The following ARHGAP29 variants were observed in gnomAD, a reference collection of about 807,000 sequenced individuals.
ARHGAP29 encodes the protein rho GTPase-activating protein 29.
Under a neutral mutation model 122.6 loss-of-function variants are expected in ARHGAP29, and 43 were observed. The ratio of observed to expected loss-of-function variants is 0.35; its 90% confidence interval spans 0.27 to 0.45. The LOEUF is 0.45. ARHGAP29 is among the 20% of genes least tolerant of loss of function. The pLI is 1.00. For missense variants in ARHGAP29, 1,303 were observed against 1,477.2 expected (o/e 0.88, Z 1.93); for synonymous variants, 506 against 497.1 (o/e 1.02, Z -0.24).
At position 94,185,449 on chromosome 1, in the gene ARHGAP29, A is replaced by G. The variant is rs746939202; in HGVS notation, c.1813T>C (p.Leu605=). The G allele has an allele frequency of 6.2e-7, 1 of 1,610,926 alleles. No individual in the cohort carries two copies. Among genetic ancestry groups the G allele is most frequent in the Non-Finnish European group, 8.5e-7 (1 of 1,178,968 alleles). Residue 605 remains leucine, a synonymous_variant, in exon 17 of 23, where the codon TTG becomes CTG. Coordinates refer to ENST00000260526, the MANE Select transcript of ARHGAP29 (RefSeq NM_004815.4). ...PNSLGTFKKT[L]MSKAALTHKF... ...TGTGTGAGAGCTGCCTTTGACATCA[A>G]TGTTTTCTTAAATGTTCCAAGGGAA...
the ARHGAP29 span, among the ~76,000 whole-genome samples, chr1:94,300,690 A>G: frequency 3.3e-5 from 5 of 152,320 alleles, no homozygotes; most frequent in East Asian, 7.7e-4. Context: ...TCTTGAAGAT[A>G]GGGGACCATA....
the ARHGAP29 span, among the ~76,000 whole-genome samples, chr1:94,301,360 G>T: frequency 6.6e-6 from 1 of 152,150 alleles, no homozygotes; most frequent in African/African-American, 2.4e-5. Flanking sequence ...GGGACAACTG[G>T]CTTCAGACGT....
the ARHGAP29 span, among the ~76,000 whole-genome samples, chr1:94,300,272 G>C: frequency 1.3e-5 from 2 of 152,178 alleles, no homozygotes. Flanking sequence ...ACAGAGAGGT[G>C]ACTGGGCAAC....
Position 94,172,421 on chromosome 1 carries a change from T to G in ARHGAP29, c.*1448A>C, listed in dbSNP as rs1648791954. The G allele has an allele frequency of 6.6e-6, 1 of 152,124 alleles. No individual in the cohort carries two copies. Among genetic ancestry groups the G allele is most frequent in the Non-Finnish European group, 1.5e-5 (1 of 68,024 alleles). The allele number at this position is 152,124 out of a possible 1,614,324, so 9.4% of individuals were successfully genotyped here. Reference sequence around the variant, plus strand: ...CTTCAGAAAAAAAAGGGCTGGTTATTGCTCCCTAGACCTTTACATCACATA... The same window carrying G: ...CTTCAGAAAAAAAAGGGCTGGTTATGGCTCCCTAGACCTTTACATCACATA... On this transcript the variant is annotated 3_prime_UTR_variant, in exon 23 of 23. Coordinates refer to ENST00000260526, the MANE Select transcript of ARHGAP29 (RefSeq NM_004815.4).
chr1:94,280,995 A>G, the ARHGAP29 span, among the ~76,000 whole-genome samples: 2 of 152,178 alleles, frequency 1.3e-5, no homozygotes, highest in African/African-American at 4.8e-5. Context: ...TCACTTCCCA[A>G]TGATGAATAT....
the ARHGAP29 span, among the ~76,000 whole-genome samples, chr1:94,309,907 G>T: frequency 6.6e-6 from 1 of 152,132 alleles, no homozygotes; most frequent in Non-Finnish European, 1.5e-5. Flanking sequence ...GAACACAGGG[G>T]CCATGTCTGT....
intron 12 of ARHGAP29, chr1:94,194,089 A>G (rs1650294327): frequency 6.6e-6 from 1 of 152,198 alleles, no homozygotes; most frequent in Non-Finnish European, 1.5e-5. Flanking sequence ...AAAAAAATTA[A>G]GTGTATGTAT....
At chr1:94,207,072 G>A (rs757232428) in intron 5 of ARHGAP29, among the ~76,000 whole-genome samples, 7 of 144,748 alleles carry the variant, frequency 4.8e-5, no homozygotes, top group Admixed American at 1.4e-4. Context: ...GCAGCGCCAC[G>A]ATCTTGGCTC....
intron 2 of ARHGAP29, among the ~76,000 whole-genome samples, chr1:94,223,171 C>T (rs1033705907): frequency 6.6e-6 from 1 of 152,204 alleles, no homozygotes; most frequent in Admixed American, 6.5e-5. Flanking sequence ...GTCTTGATCT[C>T]CTGACCTCGT....
intron 1 of ARHGAP29, among the ~76,000 whole-genome samples, chr1:94,252,783 G>A (rs1029797022): frequency 8.6e-5 from 13 of 151,516 alleles, no homozygotes; most frequent in African/African-American, 2.9e-4. Flanking sequence ...CATTTTCCAC[G>A]ATTGTTTTTT....
rs1649728805 is a variant in ARHGAP29 at position 94,185,339 on chromosome 1, T to C, written c.1920+3A>G. On this transcript the variant is annotated splice_donor_region_variant and intron_variant, in intron 17 of 22. Transcript: ENST00000260526. Reference sequence around the variant, plus strand: ...GGTCAACACAATTCCACAAAGATCTTACCTCTTCACATTCAACACCTTGGA... The same window carrying C: ...GGTCAACACAATTCCACAAAGATCTCACCTCTTCACATTCAACACCTTGGA... 1 of 1,589,178 alleles carries C rather than the reference T, an allele frequency of 6.3e-7. No homozygotes were observed.
Position 94,189,913 on chromosome 1 carries a change from C to A in ARHGAP29, c.1439+13G>T, listed in dbSNP as rs187410659. On this transcript the variant is annotated intron_variant, in intron 13 of 22. Coordinates refer to ENST00000260526, the MANE Select transcript of ARHGAP29 (RefSeq NM_004815.4). ...ATATTTTGAAATAATTTTGTCTGTA[C>A]ATTAATTCTCACCCATCAACTTTTT... is the stretch of plus-strand genomic sequence containing the variant. 10 of 1,611,338 alleles carry A rather than the reference C, an allele frequency of 6.2e-6. No individual in the cohort carries two copies. In the African/African-American group the frequency reaches 1.2e-4, roughly 19 times the overall value.
chr1:94,221,636 T>C (rs1346126988), intron 2 of ARHGAP29, among the ~76,000 whole-genome samples: 1 of 150,774 alleles, frequency 6.6e-6, no homozygotes, highest in Non-Finnish European at 1.5e-5. Context: ...TACATACATA[T>C]GTACATATAT....
chr1:94,272,916 T>C (rs1655045614), intron 1 of ARHGAP29, among the ~76,000 whole-genome samples: 2 of 152,172 alleles, frequency 1.3e-5, no homozygotes, highest in Admixed American at 1.3e-4. Context: ...GAGTCGAAGA[T>C]AAAATTCCAG....
chr1:94,180,848 T>C (rs750547890), intron 19 of ARHGAP29, among the ~76,000 whole-genome samples: 3 of 152,172 alleles, frequency 2.0e-5, no homozygotes, highest in Non-Finnish European at 2.9e-5. Context: ...TGAGAGCTGA[T>C]AGTATTGGAC....
chr1:94,293,745 C>T, the ARHGAP29 span, among the ~76,000 whole-genome samples: 2 of 152,122 alleles, frequency 1.3e-5, no homozygotes, highest in Admixed American at 6.5e-5. Flanking sequence ...GGGTGCACAA[C>T]TTCCATGCCC....
In ARHGAP29 at chr1:94,172,117, C is replaced by T. The variant is rs926968879; in HGVS notation, c.*1752G>A. On this transcript the variant is annotated 3_prime_UTR_variant, in exon 23 of 23. Transcript: ENST00000260526. ...CACTAACCATCAAAATCTGACAGCCCTATGTTTGAGATTTGACTCCACCTG... is the reference window on the plus strand; with the variant it reads ...CACTAACCATCAAAATCTGACAGCCTTATGTTTGAGATTTGACTCCACCTG... 6.6e-6 allele frequency: 1 copy of T among 152,096 alleles called. No individual in the cohort carries two copies. The highest frequency in any genetic ancestry group is 1.5e-5 in the Non-Finnish European group (1 of 68,002). The allele number at this position is 152,096 out of a possible 1,614,324, so 9.4% of individuals were successfully genotyped here.
chr1:94,174,201 C>G lies in ARHGAP29; in HGVS notation c.3454G>C (p.Val1152Leu). The part of the protein sequence containing the change: ...RSSDSYPLAP[V>L]RAPRTLQPQH... ...GGCTGCAGTGTTCTGGGTGCTCTGA[C>G]AGGAGCGAGAGGGTAGGAATCTGAA... The change falls in exon 23 of 23, where the codon GTC becomes CTC. Residue 1152 changes from valine to leucine, a missense_variant. This residue lies in a region of ARHGAP29 where 620 missense variants were observed against 651.2 expected (regional missense o/e 0.95). Coordinates refer to ENST00000260526, the MANE Select transcript of ARHGAP29 (RefSeq NM_004815.4). 6.2e-7 allele frequency: 1 copy of G among 1,614,168 alleles called. No homozygotes were observed. Among genetic ancestry groups the G allele is most frequent in the Non-Finnish European group, 8.5e-7 (1 of 1,180,028 alleles).
intron 19 of ARHGAP29, among the ~76,000 whole-genome samples, chr1:94,180,510 CATA>C (rs1420185939): frequency 6.6e-6 from 1 of 152,178 alleles, no homozygotes; most frequent in Non-Finnish European, 1.5e-5. Context: ...TGCCCAGTGT[CATA>C]ATGAATTTCA....
Sources: gnomAD v4.1 joint callset for allele counts (sites outside exome capture counted in the v4.1 genomes callset) on GRCh38, gnomAD v4.1.1 for gene constraint, gnomAD v4.1.1 regional missense constraint, MANE v1.5 for transcripts, NCBI Gene and HGNC (gene_info 2026-07-23, HGNC 2026-07-21) for gene names.